Variants in CDH23 observed in about 807,000 individuals in gnomAD.
The protein encoded by CDH23 is cadherin-23.
In CDH23, 189 loss-of-function variants were observed where a neutral mutation model predicts 317.1. The ratio of observed to expected loss-of-function variants is 0.60; its 90% CI spans 0.53 to 0.67. The LOEUF is 0.67. CDH23 is among the 30% of genes least tolerant of loss of function. The probability of loss-of-function intolerance (pLI) is 0.00; values close to 1 mark genes in which losing one functional copy is unlikely to be tolerated. For synonymous variants in CDH23, 1,839 were observed against 1,876.8 expected (o/e 0.98, Z 0.52); for missense variants, 4,401 against 4,592.4 (o/e 0.96, Z 1.20).
At chr10:71,785,881 T>A (rs1841092890) in intron 44 of CDH23, 143 bp downstream of exon 44, 2 of 679,298 alleles carry the variant, frequency 2.9e-6, no homozygotes, top group Admixed American at 4.2e-5. Flanking sequence ...AAATCCCAGT[T>A]CTCTCCTTCA....
At chr10:71,436,336 C>A (rs1024169236) in intron 1 of CDH23, among the ~76,000 whole-genome samples, 1 of 152,254 alleles carries the variant, frequency 6.6e-6, no homozygotes, top group Non-Finnish European at 1.5e-5. Flanking sequence ...GGAGCCTGAG[C>A]CTGCACTGTG....
Position 71,615,742 on chromosome 10 carries a change from C to G in CDH23, c.945+126C>G, listed in dbSNP as rs1861150577. On this transcript the variant is annotated intron_variant, in intron 10 of 69. Transcript: ENST00000224721. ...GCCGGAAGCACTTCGCTTCCGTGCT[C>G]TCACCCTGCACTGCCTCCCGGGGCT... 4 of 676,570 alleles carry G rather than the reference C, an allele frequency of 5.9e-6. No homozygotes were observed. In the East Asian group the frequency reaches 1.1e-4, roughly 18 times the overall value. 41.9% of individuals were successfully genotyped at this position (676,570 alleles called of 1,614,324 possible). A position where few individuals can be genotyped will look rare whatever the true frequency, so the allele number is the denominator to read the frequency against.
At chr10:71,454,876 A>G (rs1403200525) in intron 3 of CDH23, among the ~76,000 whole-genome samples, 1 of 142,844 alleles carries the variant, frequency 7.0e-6, no homozygotes. Context: ...CAGGATCCCT[A>G]TTGCCCAGGC....
Position 71,702,539 on chromosome 10 carries a change from G to T in CDH23, c.2588-10G>T. 1 of 1,613,854 alleles carries T rather than the reference G, an allele frequency of 6.2e-7. No homozygotes were observed. Among genetic ancestry groups the T allele is most frequent in the Non-Finnish European group, 8.5e-7 (1 of 1,179,840 alleles). On this transcript the variant is annotated splice_polypyrimidine_tract_variant and intron_variant, in intron 23 of 69. Coordinates refer to ENST00000224721, the MANE Select transcript of CDH23 (RefSeq NM_022124.6). ...CTGTCCTTGGCCCCTTCTCGCCCTG[G>T]TCTTCCCAGGTGGCAGGCCCCCTCT...
chr10:71,467,519 C>G (rs903355002), intron 3 of CDH23, among the ~76,000 whole-genome samples: 1 of 152,300 alleles, frequency 6.6e-6, no homozygotes, highest in African/African-American at 2.4e-5. Flanking sequence ...CCCAGCACCA[C>G]CAGCCTGTGA....
At chr10:71,615,771 C>T (rs1861153664) in intron 10 of CDH23, among the ~76,000 whole-genome samples, 155 bp downstream of exon 10, 1 of 152,182 alleles carries the variant, frequency 6.6e-6, no homozygotes, top group Non-Finnish European at 1.5e-5. Context: ...CGGGGCTGTG[C>T]CCAGGGCCCC....
In CDH23 at chr10:71,523,018, C is replaced by T. The variant is rs145964453; in HGVS notation, c.429+11806C>T. On this transcript the variant is annotated intron_variant, in intron 6 of 69. Transcript: ENST00000224721. The stretch of plus-strand genomic sequence containing the variant: ...TCTTGTCTGCCCCCCAAAGCAAGCC[C>T]AAATGCATTTAACCCTTGGAATAGA... 9.6e-3 allele frequency among the ~76,000 whole-genome samples: 1,455 copies of T among 152,272 alleles called. 9 individuals are homozygous for T. The highest frequency in any genetic ancestry group is 0.028 in the Admixed American group (425 of 15,292).
chr10:71,420,123 G>C, intron 1 of CDH23, among the ~76,000 whole-genome samples: 1 of 152,148 alleles, frequency 6.6e-6, no homozygotes, highest in Non-Finnish European at 1.5e-5. Flanking sequence ...GGGAGGGAAA[G>C]TTACTGGAAG....
chr10:71,805,274 C>T (rs905249330), intron 55 of CDH23, among the ~76,000 whole-genome samples: 4 of 152,174 alleles, frequency 2.6e-5, no homozygotes, highest in African/African-American at 9.7e-5. Context: ...AGGTTAGTAA[C>T]AGACTAGACC....
chr10:71,666,351 G>A (rs571936236), intron 14 of CDH23, among the ~76,000 whole-genome samples: 19 of 152,032 alleles, frequency 1.2e-4, no homozygotes, highest in African/African-American at 3.9e-4. Context: ...AACCCAGGAC[G>A]TGTACTCTCT....
At chr10:71,803,581 G>A (rs1285102275) in intron 55 of CDH23, among the ~76,000 whole-genome samples, 161 bp downstream of exon 55, 6 of 152,072 alleles carry the variant, frequency 3.9e-5, no homozygotes, top group Admixed American at 6.6e-5. Context: ...GTTTGTAAAG[G>A]TGGGAAAACT....
At chr10:71,401,714 G>A (rs1418304862) in intron 1 of CDH23, among the ~76,000 whole-genome samples, 1 of 152,092 alleles carries the variant, frequency 6.6e-6, no homozygotes, top group Non-Finnish European at 1.5e-5. Flanking sequence ...CATAGAGAAG[G>A]GGCAAAACCC....
intron 48 of CDH23, chr10:71,794,434 G>A (rs1339701694): frequency 6.6e-6 from 1 of 152,238 alleles, no homozygotes; most frequent in Non-Finnish European, 1.5e-5. Context: ...ACGAAACCAA[G>A]AGAACCATGG....
At position 71,810,507 on chromosome 10, in the gene CDH23, G is replaced by A. The variant is rs376497158; in HGVS notation, c.9015G>A (p.Ala3005=). 8,100 of 1,613,974 alleles carry A rather than the reference G, an allele frequency of 5.0e-3. 32 individuals carry two copies. Among genetic ancestry groups the A allele is most frequent in the Non-Finnish European group, 5.9e-3 (6,915 of 1,179,862 alleles). Residue 3005 remains alanine (A), a synonymous_variant, in exon 62 of 70, where the codon GCG becomes GCA. Transcript: ENST00000224721. The stretch of plus-strand genomic sequence containing the variant: ...ACAAGAAGGGCCGGGTGAACTTTGC[G>A]CAGACAGAACTGCTTATCCACGTGG... ...HVDKKGRVNF[A]QTELLIHVVN...
At chr10:71,659,467 G>A (rs1242747838) in intron 14 of CDH23, among the ~76,000 whole-genome samples, 1 of 152,166 alleles carries the variant, frequency 6.6e-6, no homozygotes, top group Admixed American at 6.5e-5. Flanking sequence ...TGTGGGTTTG[G>A]GGTGGCTTAA....
chr10:71,699,069 T>C (rs535502533), intron 22 of CDH23, among the ~76,000 whole-genome samples: 2 of 152,370 alleles, frequency 1.3e-5, no homozygotes, highest in Admixed American at 6.5e-5. Flanking sequence ...AAATGGTAGC[T>C]GTCACCATCA....
chr10:71,423,732 T>G (rs990018211), intron 1 of CDH23, among the ~76,000 whole-genome samples: 1 of 152,200 alleles, frequency 6.6e-6, no homozygotes, highest in South Asian at 2.1e-4. Flanking sequence ...CTATCCTCTC[T>G]GAGGTTCATT....
At chr10:71,402,747 A>G (rs1379006134) in intron 1 of CDH23, among the ~76,000 whole-genome samples, 3 of 136,190 alleles carry the variant, frequency 2.2e-5, no homozygotes, top group African/African-American at 5.3e-5. Context: ...GTGTGTGTGC[A>G]CGCGCGCGCG....
chr10:71,506,917 G>A (rs1349343033), intron 3 of CDH23, among the ~76,000 whole-genome samples: 4 of 152,166 alleles, frequency 2.6e-5, no homozygotes, highest in African/African-American at 7.2e-5. Flanking sequence ...ATAAAAGTCC[G>A]GGAAATTACA....
Sources: allele counts gnomAD v4.1 joint callset (sites outside exome capture counted in the v4.1 genomes callset), GRCh38; gene constraint gnomAD v4.1.1; transcripts MANE v1.5; gene names NCBI Gene and HGNC (gene_info 2026-07-23, HGNC 2026-07-21).